The following GPC6 variants were observed in gnomAD, a reference collection of about 807,000 sequenced individuals.
The protein encoded by GPC6 is glypican-6.
GPC6 carries 14 observed loss-of-function variants against 55.2 expected under a neutral mutation model. The ratio of observed to expected loss-of-function variants is 0.25; its 90% CI spans 0.17 to 0.40. The LOEUF is 0.40. Among genes scored for constraint, GPC6 ranks in the 10% least tolerant of loss-of-function variants. GPC6 has a pLI of 1.00. For missense variants in GPC6, 641 were observed against 708.5 expected (o/e 0.90, Z 1.08); for synonymous variants, 278 against 259.6 (o/e 1.07, Z -0.68).
chr13:93,866,956 A>T (rs1888984278), intron 3 of GPC6, among the ~76,000 whole-genome samples: 1 of 151,808 alleles, frequency 6.6e-6, no homozygotes, highest in Admixed American at 6.6e-5. Flanking sequence ...AAGTTCAGAA[A>T]CAAAGGAACA....
chr13:93,659,912 G>A (rs964870164), intron 2 of GPC6, among the ~76,000 whole-genome samples: 5 of 151,916 alleles, frequency 3.3e-5, no homozygotes, highest in African/African-American at 9.7e-5. Context: ...ATATGTGTGT[G>A]TATATATATG....
chr13:93,816,421 C>G (rs1886850464), intron 2 of GPC6, among the ~76,000 whole-genome samples: 1 of 151,946 alleles, frequency 6.6e-6, no homozygotes, highest in African/African-American at 2.4e-5. Context: ...AGCATTAATT[C>G]ACTATATTTA....
intron 1 of GPC6, among the ~76,000 whole-genome samples, chr13:93,269,228 C>G (rs772875506): frequency 6.6e-6 from 1 of 151,988 alleles, no homozygotes; most frequent in Non-Finnish European, 1.5e-5. Flanking sequence ...AGGCATGTCA[C>G]AAGTTTGGAA....
chr13:94,029,301 C>T (rs1037450672), intron 4 of GPC6, among the ~76,000 whole-genome samples: 1 of 152,156 alleles, frequency 6.6e-6, no homozygotes, highest in Non-Finnish European at 1.5e-5. Flanking sequence ...GACAAAATCT[C>T]TTTGTATGAT....
intron 3 of GPC6, among the ~76,000 whole-genome samples, chr13:93,897,728 C>G (rs957224659): frequency 6.6e-6 from 1 of 151,916 alleles, no homozygotes; most frequent in African/African-American, 2.4e-5. Flanking sequence ...AGTCTTCTGT[C>G]CCCCCCATCT....
At chr13:93,496,082 C>G (rs1279201700) in intron 1 of GPC6, among the ~76,000 whole-genome samples, 8 of 152,096 alleles carry the variant, frequency 5.3e-5, no homozygotes, top group Non-Finnish European at 1.0e-4. Flanking sequence ...GCTTTGTTTA[C>G]CTAAGCAAGC....
chr13:93,472,028 G>T (rs1164654585), intron 1 of GPC6, among the ~76,000 whole-genome samples: 1 of 152,138 alleles, frequency 6.6e-6, no homozygotes, highest in Admixed American at 6.5e-5. Flanking sequence ...CACAATTGTT[G>T]GTTTTAGATT....
chr13:93,613,465 C>G (rs1878573955), intron 2 of GPC6, among the ~76,000 whole-genome samples: 1 of 151,734 alleles, frequency 6.6e-6, no homozygotes, highest in East Asian at 1.9e-4. Context: ...TGCATTTAGT[C>G]ACATTAACCA....
chr13:93,584,385 T>C (rs1240527676), intron 2 of GPC6, among the ~76,000 whole-genome samples: 1 of 152,154 alleles, frequency 6.6e-6, no homozygotes, highest in Non-Finnish European at 1.5e-5. Context: ...CTCAAAGTGG[T>C]ATTTGTAATA....
At chr13:94,266,146 C>CTCTTCT (rs1470608880) in intron 4 of GPC6, among the ~76,000 whole-genome samples, 2 of 105,454 alleles carry the variant, frequency 1.9e-5, no homozygotes, top group East Asian at 6.1e-4. Context: ...CTTTACTTTT[C>CTCTTCT]TTTTCTTTTT....
chr13:93,503,654 C>G (rs1325521110), intron 1 of GPC6, among the ~76,000 whole-genome samples: 2 of 152,052 alleles, frequency 1.3e-5, no homozygotes, highest in Non-Finnish European at 2.9e-5. Context: ...CTACTGGAAG[C>G]TGTAGCAATG....
rs1881358349 is a variant in GPC6 at position 94,406,183 on chromosome 13, C to T, written c.*2966C>T. 1 of 152,036 alleles carries T rather than the reference C, an allele frequency of 6.6e-6. No homozygotes were observed. The highest frequency in any genetic ancestry group is 1.5e-5 in the Non-Finnish European group (1 of 67,960). 9.4% of individuals were successfully genotyped at this position (152,036 alleles called of 1,614,324 possible). A position where few individuals can be genotyped will look rare whatever the true frequency, so the allele number is the denominator to read the frequency against. ...TGCAAACACTTAGCTTATTGAAGTG[C>T]CTCTATTTACATGTTCTTTAGTTAT... On this transcript the variant is annotated 3_prime_UTR_variant, in exon 9 of 9. Coordinates refer to ENST00000377047, the MANE Select transcript of GPC6 (RefSeq NM_005708.5).
At chr13:93,870,391 C>T (rs1372963525) in intron 3 of GPC6, among the ~76,000 whole-genome samples, 2 of 151,838 alleles carry the variant, frequency 1.3e-5, no homozygotes, top group African/African-American at 4.8e-5. Context: ...ACCACAATTG[C>T]CTTGTGCACT....
chr13:93,592,360 A>T (rs1293330236), intron 2 of GPC6, among the ~76,000 whole-genome samples: 4 of 144,884 alleles, frequency 2.8e-5, no homozygotes, highest in African/African-American at 7.5e-5. Context: ...ATATATGTAA[A>T]ATATATATAT....
intron 3 of GPC6, among the ~76,000 whole-genome samples, chr13:93,928,418 A>T (rs1270863158): frequency 6.6e-6 from 1 of 152,190 alleles, no homozygotes; most frequent in African/African-American, 2.4e-5. Flanking sequence ...TATAAAGTGT[A>T]GCTATCCTTT....
At chr13:94,072,993 A>T (rs1453040189) in intron 4 of GPC6, among the ~76,000 whole-genome samples, 1 of 152,196 alleles carries the variant, frequency 6.6e-6, no homozygotes, top group Non-Finnish European at 1.5e-5. Context: ...TTGAAAGAAT[A>T]CTGGGCCCCA....
chr13:93,320,725 G>C (rs1458137805), intron 1 of GPC6, among the ~76,000 whole-genome samples: 78 of 151,988 alleles, frequency 5.1e-4, no homozygotes, highest in Non-Finnish European at 5.9e-5. Flanking sequence ...GAATTATGTA[G>C]TATAGCAGTA....
chr13:93,977,852 G>A (rs1210046538), intron 3 of GPC6, among the ~76,000 whole-genome samples: 1 of 152,132 alleles, frequency 6.6e-6, no homozygotes, highest in Non-Finnish European at 1.5e-5. Flanking sequence ...TGAAAAAGAA[G>A]CATTACAAAA....
chr13:93,772,023 G>A (rs954194921), intron 2 of GPC6, among the ~76,000 whole-genome samples: 8 of 152,230 alleles, frequency 5.3e-5, no homozygotes, highest in Admixed American at 5.2e-4. Flanking sequence ...TTTTTGAAGC[G>A]TTTGGAAGAA....
Sources: allele counts gnomAD v4.1 joint callset (sites outside exome capture counted in the v4.1 genomes callset), GRCh38; gene constraint gnomAD v4.1.1; transcripts MANE v1.5; gene names NCBI Gene and HGNC (gene_info 2026-07-23, HGNC 2026-07-21).